The following AK9 variants were observed in gnomAD, a reference collection of about 807,000 sequenced individuals.
AK9 encodes the protein adenylate kinase domain containing 1.
AK9 carries 191 observed loss-of-function variants against 239.6 expected under a neutral mutation model. That is an observed-to-expected ratio of 0.80 (90% confidence interval 0.71 to 0.90). The LOEUF (loss-of-function observed/expected upper bound fraction) is 0.90. AK9 is among the 40% of genes least tolerant of loss of function. The pLI is 0.00. For synonymous variants in AK9, 689 were observed against 721.0 expected (o/e 0.96, Z 0.71); for missense variants, 1,995 against 2,214.7 (o/e 0.90, Z 1.99).
chr6:109,668,005 A>C (rs568410769), intron 5 of AK9, among the ~76,000 whole-genome samples: 13 of 152,312 alleles, frequency 8.5e-5, no homozygotes, highest in African/African-American at 3.1e-4. Flanking sequence ...GAACTAGTTT[A>C]CAGTCCCACC....
intron 17 of AK9, among the ~76,000 whole-genome samples, chr6:109,600,220 T>C (rs957993546): frequency 3.3e-5 from 5 of 152,186 alleles, no homozygotes; most frequent in Non-Finnish European, 5.9e-5. Context: ...GGGTTTGTCA[T>C]AAATAGCTCT....
At chr6:109,580,824 C>T (rs945376446) in intron 19 of AK9, among the ~76,000 whole-genome samples, 1 of 152,086 alleles carries the variant, frequency 6.6e-6, no homozygotes, top group Non-Finnish European at 1.5e-5. Context: ...CCCATTTTGT[C>T]TGTGTGTGAA....
intron 29 of AK9, among the ~76,000 whole-genome samples, chr6:109,523,222 A>C (rs1193810490): frequency 6.9e-6 from 1 of 143,946 alleles, no homozygotes; most frequent in African/African-American, 2.5e-5. Flanking sequence ...ATATCCTAAA[A>C]ATCTTCACAA....
chr6:109,629,611 G>A (rs1426862593), intron 12 of AK9, among the ~76,000 whole-genome samples: 5 of 151,816 alleles, frequency 3.3e-5, no homozygotes, highest in Admixed American at 2.6e-4. Flanking sequence ...TTTTGGAGAT[G>A]TAAATATAAA....
chr6:109,548,338 G>A (rs1419042991), intron 25 of AK9, among the ~76,000 whole-genome samples: 1 of 152,242 alleles, frequency 6.6e-6, no homozygotes, highest in South Asian at 2.1e-4. Context: ...TTTGAAAACA[G>A]CCCCTATCAG....
Position 109,619,148 on chromosome 6 carries a change from G to A in AK9, c.1343C>T (p.Ala448Val). Residue 448 changes from alanine (A) to valine (V), a missense_variant, in exon 13 of 41, where the codon GCA (alanine) becomes GTA (valine). Around this residue, in one of 5 missense-constraint regions of AK9, gnomAD observed 1,290 missense variants for 1,392.7 expected, o/e 0.93. Transcript: ENST00000424296. ...VENTIAEATA[A>V]AIKVVKEKLL... Reference sequence around the variant, plus strand: ...CTTTTCTTTCACAACTTTAATTGCTGCTGCAGTGGCCTCAGCTATGGTATT... The same window carrying A: ...CTTTTCTTTCACAACTTTAATTGCTACTGCAGTGGCCTCAGCTATGGTATT... 1.3e-6 allele frequency: 2 copies of A among 1,548,988 alleles called. No homozygotes were observed. Among genetic ancestry groups the A allele is most frequent in the Non-Finnish European group, 1.7e-6 (2 of 1,145,814 alleles).
Position 109,509,243 on chromosome 6 carries a change from G to A in AK9, c.4417C>T (p.Pro1473Ser), listed in dbSNP as rs1778431632. The part of the protein sequence containing the change: ...NWHLHKGMTA[P>S]DELAIQALEL... ...AAGGCTTGAATAGCCAGTTCATCAG[G>A]TGCTGTCATTCCTTTATGAAGATGC... The change falls in exon 33 of 41, where the codon CCT becomes TCT. Residue 1473 changes from proline (P) to serine (S), a missense_variant. Coordinates refer to ENST00000424296, the MANE Select transcript of AK9 (RefSeq NM_001145128.3). 1 of 1,552,032 alleles carries A rather than the reference G, an allele frequency of 6.4e-7. No homozygotes were observed. The highest frequency in any genetic ancestry group is 1.4e-5 in the African/African-American group (1 of 73,126).
intron 17 of AK9, among the ~76,000 whole-genome samples, chr6:109,605,836 C>T (rs1468887981): frequency 6.6e-6 from 1 of 152,018 alleles, no homozygotes; most frequent in Non-Finnish European, 1.5e-5. Context: ...TGAGGTGATT[C>T]CTTAGTTGGG....
chr6:109,543,867 C>T (rs1783196765), intron 26 of AK9, among the ~76,000 whole-genome samples: 2 of 151,974 alleles, frequency 1.3e-5, no homozygotes, highest in South Asian at 4.2e-4. Context: ...GCCTGTAATC[C>T]CAGCATTTTG....
chr6:109,588,824 GA>G (rs1489490418), intron 17 of AK9, among the ~76,000 whole-genome samples: 1 of 152,096 alleles, frequency 6.6e-6, no homozygotes, highest in Admixed American at 6.5e-5. Flanking sequence ...ACCATTTATT[GA>G]ATGGGTGTCC....
At chr6:109,554,146 A>T (rs916782219) in intron 24 of AK9, among the ~76,000 whole-genome samples, 1 of 152,138 alleles carries the variant, frequency 6.6e-6, no homozygotes, top group African/African-American at 2.4e-5. Context: ...TATCAGGGAT[A>T]TTGGCTGAAG....
intron 10 of AK9, 89 bp downstream of exon 10, chr6:109,641,429 C>T (rs1338659289): frequency 2.1e-6 from 2 of 957,560 alleles, no homozygotes; most frequent in Non-Finnish European, 3.1e-6. Context: ...CTCCAGTGAT[C>T]CTCCCATGGG....
chr6:109,552,554 G>T, intron 24 of AK9, among the ~76,000 whole-genome samples: 1 of 152,008 alleles, frequency 6.6e-6, no homozygotes, highest in Non-Finnish European at 1.5e-5. Flanking sequence ...GAGGTTGTTT[G>T]TTTTTTTCTT....
intron 35 of AK9, among the ~76,000 whole-genome samples, chr6:109,502,576 A>G (rs545516182): frequency 4.5e-4 from 69 of 152,334 alleles, no homozygotes; most frequent in African/African-American, 1.6e-3. Context: ...GTGACACAAT[A>G]CATTTTTGTT....
At chr6:109,659,133 G>T in intron 7 of AK9, 95 bp downstream of exon 7, 1 of 1,341,268 alleles carries the variant, frequency 7.5e-7, no homozygotes, top group Non-Finnish European at 9.8e-7. Flanking sequence ...AAAATGTATA[G>T]CATCTACTAT....
chr6:109,672,268 T>G, intron 3 of AK9, 101 bp from the exon 4 acceptor site: 4 of 1,022,554 alleles, frequency 3.9e-6, no homozygotes, highest in Non-Finnish European at 5.9e-6. Flanking sequence ...GATTAACATT[T>G]GTGCATCACT....
intron 10 of AK9, among the ~76,000 whole-genome samples, chr6:109,635,982 A>G (rs1018171276): frequency 2.6e-5 from 4 of 152,186 alleles, no homozygotes; most frequent in African/African-American, 9.7e-5. Context: ...ATCTCATGTA[A>G]TCTTTACAAT....
rs1432608482 is a variant in AK9 at position 109,515,834 on chromosome 6, TC to T, written c.4065+22del. 1.7e-5 allele frequency: 25 copies of T among 1,514,174 alleles called. No homozygotes were observed. In the Middle Eastern group the frequency reaches 5.1e-4, roughly 31 times the overall value. The allele number at this position is 1,514,174 out of a possible 1,614,324, so 93.8% of individuals were successfully genotyped here. A position where few individuals can be genotyped will look rare whatever the true frequency, so the allele number is the denominator to read the frequency against. On this transcript the variant is annotated intron_variant, in intron 31 of 40. Coordinates refer to ENST00000424296, the MANE Select transcript of AK9 (RefSeq NM_001145128.3). ...AAAAAATAAATAAGGAACATGGCTTTCAGGTGCGTTTGCTGAAATTACCTTT... is the reference window on the plus strand; with the variant it reads ...AAAAAATAAATAAGGAACATGGCTTTAGGTGCGTTTGCTGAAATTACCTTT...
chr6:109,591,612 C>A (rs1790254984), intron 17 of AK9, among the ~76,000 whole-genome samples: 1 of 152,072 alleles, frequency 6.6e-6, no homozygotes, highest in Non-Finnish European at 1.5e-5. Context: ...CATTATAAGA[C>A]CTGCAAAGAG....
Sources: allele counts gnomAD v4.1 joint callset (sites outside exome capture counted in the v4.1 genomes callset), GRCh38; gene constraint gnomAD v4.1.1; regional missense constraint gnomAD v4.1.1; transcripts MANE v1.5; gene names NCBI Gene and HGNC (gene_info 2026-07-23, HGNC 2026-07-21).